Variants in RFTN1 observed in about 807,000 individuals in gnomAD.
RFTN1 encodes raftlin.
RFTN1 carries 26 observed loss-of-function variants against 46.5 expected under a neutral mutation model. The ratio of observed to expected loss-of-function variants is 0.56; its 90% CI spans 0.41 to 0.78. The LOEUF (loss-of-function observed/expected upper bound fraction) is 0.78, where lower values mean the gene tolerates loss of function less well. Among genes scored for constraint, RFTN1 ranks in the 30% least tolerant of loss-of-function variants. RFTN1 has a pLI of 0.00. For missense variants in RFTN1, 693 were observed against 718.7 expected (o/e 0.96, Z 0.41); for synonymous variants, 261 against 284.2 (o/e 0.92, Z 0.82).
At position 16,422,765 on chromosome 3, in the gene RFTN1, G is replaced by C. The variant is rs2075212106; in HGVS notation, c.332+11086C>G. ...TAAAGAATCAGGAATAGATTGGGAT[G>C]TACATATAGAAATCCTAACTATAAT... On this transcript the variant is annotated intron_variant, in intron 3 of 9. Transcript: ENST00000334133. This position sits in a 1 kb window ranked among gnomAD's most constrained non-coding sequence, Gnocchi z 4.6. Among the ~76,000 whole-genome samples, 2 of 152,222 alleles carry C rather than the reference G, an allele frequency of 1.3e-5. No individual in the cohort carries two copies. The highest frequency in any genetic ancestry group is 1.3e-4 in the Admixed American group (2 of 15,276).
chr3:16,325,050 C>A (rs116247392), intron 8 of RFTN1, among the ~76,000 whole-genome samples: 280 of 152,246 alleles, frequency 1.8e-3, no homozygotes, highest in African/African-American at 6.5e-3. Flanking sequence ...TTTCTTAAAT[C>A]TGTTTTGTAA....
chr3:16,425,691 AG>A lies in RFTN1; in HGVS notation c.332+8159del, dbSNP rs1390907639. ...GGAAAAAATTCTTTCCCCCAAGAGA[AG>A]GTGGCTTTACGCTGGCATATGAGAT... On this transcript the variant is annotated intron_variant, in intron 3 of 9. Coordinates refer to ENST00000334133, the MANE Select transcript of RFTN1 (RefSeq NM_015150.2). The surrounding 1 kb of genome is among the most constrained non-coding windows in gnomAD (Gnocchi z 4.3). Among the ~76,000 whole-genome samples, 3 of 152,158 alleles carry A rather than the reference AG, an allele frequency of 2.0e-5. No individual in the cohort carries two copies. The highest frequency in any genetic ancestry group is 2.0e-4 in the Admixed American group (3 of 15,278).
intron 1 of RFTN1, among the ~76,000 whole-genome samples, chr3:16,497,879 G>A (rs1005827034): frequency 6.6e-6 from 1 of 152,138 alleles, no homozygotes; most frequent in Non-Finnish European, 1.5e-5. Context: ...CTTTGATAAA[G>A]GACAGGTTCC....
rs534476425 is a variant in RFTN1 at position 16,422,655 on chromosome 3, T to C, written c.332+11196A>G. Among the ~76,000 whole-genome samples, 19 of 150,910 alleles carry C rather than the reference T, an allele frequency of 1.3e-4. No homozygotes were observed. The East Asian group carries it at 3.7e-3, about 29-fold the overall frequency. The stretch of plus-strand genomic sequence containing the variant: ...AAAAAAAAAAAGAATAGTGCCCTAC[T>C]GGATGTTAACATACATTACAAATTT... On this transcript the variant is annotated intron_variant, in intron 3 of 9. Coordinates refer to ENST00000334133, the MANE Select transcript of RFTN1 (RefSeq NM_015150.2). This position sits in a 1 kb window ranked among gnomAD's most constrained non-coding sequence, Gnocchi z 4.6.
rs2071308645 is a variant in RFTN1 at position 16,341,401 on chromosome 3, C to A, written c.1147-14525G>T. Among the ~76,000 whole-genome samples, 1 of 152,162 alleles carries A rather than the reference C, an allele frequency of 6.6e-6. No individual in the cohort carries two copies. Among genetic ancestry groups the A allele is most frequent in the Admixed American group, 6.5e-5 (1 of 15,288 alleles). On this transcript the variant is annotated intron_variant, in intron 7 of 9. Transcript: ENST00000334133. This position sits in a 1 kb window ranked among gnomAD's most constrained non-coding sequence, Gnocchi z 4.7. ...CATAATTGCTAAAACTTGGAAGCAACCAAGATGCCCTTCAGTAACTGACAG... is the reference window on the plus strand; with the variant it reads ...CATAATTGCTAAAACTTGGAAGCAAACAAGATGCCCTTCAGTAACTGACAG...
intron 3 of RFTN1, among the ~76,000 whole-genome samples, chr3:16,419,513 A>G (rs540516419): frequency 5.6e-4 from 86 of 152,256 alleles, no homozygotes; most frequent in African/African-American, 2.0e-3. Context: ...TGTCCCTGCA[A>G]TTGGTGGTGG....
Position 16,422,275 on chromosome 3 carries a change from G to T in RFTN1, c.332+11576C>A, listed in dbSNP as rs2075200030. The stretch of plus-strand genomic sequence containing the variant: ...TCAACAGAGTTTACCAGGAACTGAA[G>T]AAATTATTTCAGGCTTTACATGGAA... On this transcript the variant is annotated intron_variant, in intron 3 of 9. Coordinates refer to ENST00000334133, the MANE Select transcript of RFTN1 (RefSeq NM_015150.2). The surrounding 1 kb of genome is among the most constrained non-coding windows in gnomAD (Gnocchi z 4.6). 6.6e-6 allele frequency among the ~76,000 whole-genome samples: 1 copy of T among 152,152 alleles called. No individual in the cohort carries two copies. The highest frequency in any genetic ancestry group is 2.4e-5 in the African/African-American group (1 of 41,448).
At chr3:16,488,052 T>C (rs1219524353) in intron 2 of RFTN1, among the ~76,000 whole-genome samples, 1 of 151,918 alleles carries the variant, frequency 6.6e-6, no homozygotes, top group African/African-American at 2.4e-5. Flanking sequence ...ACAACAGCAC[T>C]GAGCTTTAAG....
intron 4 of RFTN1, among the ~76,000 whole-genome samples, chr3:16,398,927 G>GTGGGGTAA (rs1309064256): frequency 3.3e-5 from 5 of 152,200 alleles, no homozygotes; most frequent in African/African-American, 1.2e-4. Context: ...TTCCTTGGAT[G>GTGGGGTAA]TGGGGTAATT....
At chr3:16,404,363 C>A in intron 4 of RFTN1, among the ~76,000 whole-genome samples, 3 of 34,322 alleles carry the variant, frequency 8.7e-5, no homozygotes, top group African/African-American at 3.5e-4. Context: ...TATATATACA[C>A]AATATATAAT....
chr3:16,476,440 C>G (rs1433167054), intron 2 of RFTN1, among the ~76,000 whole-genome samples: 1 of 152,038 alleles, frequency 6.6e-6, no homozygotes, highest in Non-Finnish European at 1.5e-5. Flanking sequence ...ACCACATAAA[C>G]AATAATATGA....
intron 2 of RFTN1, among the ~76,000 whole-genome samples, chr3:16,455,919 G>A (rs1482522629): frequency 1.3e-5 from 2 of 152,118 alleles, no homozygotes; most frequent in Non-Finnish European, 2.9e-5. Context: ...ATGGAAATTA[G>A]AAGATTCTAA....
At position 16,426,426 on chromosome 3, in the gene RFTN1, T is replaced by A. The variant is rs1179824102; in HGVS notation, c.332+7425A>T. ...AAGGATTTTCTTTTTAGTTTCAGTA[T>A]AATTTTGTACTTTCCCAATTTTGCC... On this transcript the variant is annotated intron_variant, in intron 3 of 9. Coordinates refer to ENST00000334133, the MANE Select transcript of RFTN1 (RefSeq NM_015150.2). This position sits in a 1 kb window ranked among gnomAD's most constrained non-coding sequence, Gnocchi z 5.9. Among the ~76,000 whole-genome samples the A allele has an allele frequency of 6.6e-6, 1 of 152,206 alleles. No homozygotes were observed. Among genetic ancestry groups the A allele is most frequent in the Non-Finnish European group, 1.5e-5 (1 of 68,022 alleles).
chr3:16,354,910 G>C (rs2072334455), intron 7 of RFTN1, among the ~76,000 whole-genome samples: 1 of 152,158 alleles, frequency 6.6e-6, no homozygotes, highest in Admixed American at 6.5e-5. Flanking sequence ...CAAAGCGCTA[G>C]GACACGAACA....
In RFTN1 at chr3:16,507,721, A is replaced by C. The variant is rs2076831696; in HGVS notation, c.-9+5721T>G. On this transcript the variant is annotated intron_variant, in intron 1 of 9. Transcript: ENST00000334133. The surrounding 1 kb of genome is among the most constrained non-coding windows in gnomAD (Gnocchi z 7.1). ...CACACATACATACACATACACACAT[A>C]CACACAAACACATACACACATACAT... Among the ~76,000 whole-genome samples the C allele has an allele frequency of 6.6e-6, 1 of 151,646 alleles. No individual in the cohort carries two copies. Among genetic ancestry groups the C allele is most frequent in the African/African-American group, 2.4e-5 (1 of 41,200 alleles).
In RFTN1 at chr3:16,346,561, G is replaced by C. The variant is rs75013070; in HGVS notation, c.1146+11371C>G. ...ATTCTGTTGGCTGCCAAAGCCAACA[G>C]CCCCTCGATGGCCCAGGGCTTCTTC... On this transcript the variant is annotated intron_variant, in intron 7 of 9. Coordinates refer to ENST00000334133, the MANE Select transcript of RFTN1 (RefSeq NM_015150.2). The surrounding 1 kb of genome is among the most constrained non-coding windows in gnomAD (Gnocchi z 4.4). 1 of 152,194 alleles carries C rather than the reference G, an allele frequency of 6.6e-6. No homozygotes were observed. Among genetic ancestry groups the C allele is most frequent in the African/African-American group, 2.4e-5 (1 of 41,422 alleles). 9.4% of individuals were successfully genotyped at this position (152,194 alleles called of 1,614,324 possible).
intron 3 of RFTN1, among the ~76,000 whole-genome samples, chr3:16,432,616 C>T (rs1038644070): frequency 2.0e-5 from 3 of 151,700 alleles, no homozygotes; most frequent in South Asian, 2.1e-4. Context: ...GTGGGAGGAT[C>T]GCTTGAGGCC....
chr3:16,326,431 A>C (rs1037825762), intron 8 of RFTN1, among the ~76,000 whole-genome samples: 6 of 152,216 alleles, frequency 3.9e-5, no homozygotes, highest in African/African-American at 1.4e-4. Context: ...TTTATATATA[A>C]AGTGCCTACC....
Position 16,446,326 on chromosome 3 carries a change from C to T in RFTN1, c.146-12289G>A, listed in dbSNP as rs1433226420. ...AAAAACTGTGGTAAAATATGCCTAACATCAAATTTATTATTCTAACAATTT... is the reference window on the plus strand; with the variant it reads ...AAAAACTGTGGTAAAATATGCCTAATATCAAATTTATTATTCTAACAATTT... On this transcript the variant is annotated intron_variant, in intron 2 of 9. Coordinates refer to ENST00000334133, the MANE Select transcript of RFTN1 (RefSeq NM_015150.2). This position sits in a 1 kb window ranked among gnomAD's most constrained non-coding sequence, Gnocchi z 4.5. Among the ~76,000 whole-genome samples the T allele has an allele frequency of 6.6e-6, 1 of 151,650 alleles. No individual in the cohort carries two copies. Among genetic ancestry groups the T allele is most frequent in the African/African-American group, 2.4e-5 (1 of 41,238 alleles).
Sources: gnomAD v4.1 joint callset for allele counts (sites outside exome capture counted in the v4.1 genomes callset) on GRCh38, gnomAD v4.1.1 for gene constraint, Gnocchi (gnomAD v3.1) non-coding constraint, MANE v1.5 for transcripts, NCBI Gene and HGNC (gene_info 2026-07-23, HGNC 2026-07-21) for gene names.